Variants in ZNF567 observed in about 807,000 individuals in gnomAD.
ZNF567 encodes zinc finger protein 567.
Under a neutral mutation model 53.9 loss-of-function variants are expected in ZNF567, and 36 were observed. That is an observed-to-expected ratio of 0.67 (90% confidence interval 0.51 to 0.88). The LOEUF is 0.88. Ranked by LOEUF, ZNF567 falls within the 40% of genes least tolerant of loss-of-function variation. The pLI is 0.00. For missense variants in ZNF567, 619 were observed against 764.7 expected (o/e 0.81, Z 2.25); for synonymous variants, 224 against 260.4 (o/e 0.86, Z 1.35).
chr19:36,694,616 G>C (rs754707270), intron 2 of ZNF567, among the ~76,000 whole-genome samples, 186 bp from the exon 3 acceptor site: 13 of 152,162 alleles, frequency 8.5e-5, no homozygotes, highest in Non-Finnish European at 1.9e-4. Flanking sequence ...CCAAAAGCCT[G>C]TATCTCTGGC....
chr19:36,713,796 G>A (rs973773815), intron 5 of ZNF567, among the ~76,000 whole-genome samples: 1 of 152,144 alleles, frequency 6.6e-6, no homozygotes, highest in South Asian at 2.1e-4. Flanking sequence ...TTAGCTGGGT[G>A]TGGTGGCACA....
At chr19:36,683,048 G>A (rs921003506), upstream of ZNF567, among the ~76,000 whole-genome samples, 1 of 151,702 alleles carries the variant, frequency 6.6e-6, no homozygotes, top group Admixed American at 6.6e-5. Flanking sequence ...GGGTTTTTGG[G>A]TCTTTCCCTC....
chr19:36,713,481 A>G (rs2039890928), intron 5 of ZNF567, among the ~76,000 whole-genome samples: 1 of 151,678 alleles, frequency 6.6e-6, no homozygotes, highest in South Asian at 2.1e-4. Context: ...ATGATGGCAT[A>G]CACCTGTGGT....
intron 3 of ZNF567, chr19:36,711,286 G>GAC (rs1472259584): frequency 2.0e-5 from 3 of 152,154 alleles, no homozygotes; most frequent in Admixed American, 6.5e-5. Context: ...AGCTGGGCTG[G>GAC]TTTTGAACTC....
intron 3 of ZNF567, chr19:36,711,158 A>T (rs2039765311): frequency 6.6e-6 from 1 of 151,996 alleles, no homozygotes; most frequent in Admixed American, 6.6e-5. Flanking sequence ...TACAACCTCC[A>T]TCTCCCGGGT....
chr19:36,672,287 G>A, the ZNF567 span, among the ~76,000 whole-genome samples: 1 of 152,298 alleles, frequency 6.6e-6, no homozygotes, highest in East Asian at 1.9e-4. Flanking sequence ...GAACTTGGAA[G>A]GAACATTATT....
At chr19:36,723,207 C>A, downstream of ZNF567, 2 of 702,900 alleles carry the variant, frequency 2.8e-6, no homozygotes, top group Non-Finnish European at 5.2e-6. Context: ...GATGGCCTAA[C>A]TGGATGTTTA....
the ZNF567 span, among the ~76,000 whole-genome samples, chr19:36,672,740 A>T: frequency 1.3e-5 from 2 of 152,208 alleles, no homozygotes; most frequent in Non-Finnish European, 2.9e-5. Context: ...TACACACTTT[A>T]GATACAAATT....
chr19:36,683,832 A>AAATAAT (rs931186013), upstream of ZNF567, among the ~76,000 whole-genome samples: 3 of 151,980 alleles, frequency 2.0e-5, no homozygotes, highest in African/African-American at 7.2e-5. Flanking sequence ...ACTCTGTCTC[A>AAATAAT]AATAATAATA....
intron 3 of ZNF567, among the ~76,000 whole-genome samples, chr19:36,700,691 T>G (rs1346857500): frequency 1.3e-5 from 2 of 152,242 alleles, no homozygotes; most frequent in Non-Finnish European, 2.9e-5. Context: ...TTCTTCTAGA[T>G]TTTCTAGTTT....
At chr19:36,714,259 T>A (rs557661349) in intron 5 of ZNF567, 50 of 304,796 alleles carry the variant, frequency 1.6e-4, no homozygotes, top group Middle Eastern at 9.2e-4. Flanking sequence ...CCTCCCAGGT[T>A]CAAATGATTC....
Position 36,715,667 on chromosome 19 carries a change from T to TTAC in ZNF567, c.223+2801_223+2803dup, listed in dbSNP as rs747285401. Among the ~76,000 whole-genome samples the TTAC allele has an allele frequency of 3.2e-4, 49 of 151,410 alleles. 1 individual carries two copies. The highest frequency in any genetic ancestry group is 8.4e-4 in the South Asian group (4 of 4,764). On this transcript the variant is annotated intron_variant, in intron 5 of 5. Transcript: ENST00000682579. ...GCCTCAGCCTCCTGGTTAGCTGGGATTACAGGCATGAGCCACCACACCCGG... is the reference window on the plus strand; with the variant it reads ...GCCTCAGCCTCCTGGTTAGCTGGGATTACTACAGGCATGAGCCACCACACCCGG...
At chr19:36,714,541 A>C in intron 5 of ZNF567, 1 of 398,042 alleles carries the variant, frequency 2.5e-6, no homozygotes, top group Non-Finnish European at 4.4e-6. Context: ...TCCTCTCCTT[A>C]CTTACTTAAC....
downstream of ZNF567, among the ~76,000 whole-genome samples, chr19:36,724,868 A>G (rs544556100): frequency 1.3e-5 from 2 of 151,952 alleles, no homozygotes; most frequent in South Asian, 2.1e-4. Flanking sequence ...AAAAAAAAAA[A>G]AGTTCACATT....
upstream of ZNF567, among the ~76,000 whole-genome samples, chr19:36,684,570 G>A (rs73607078): frequency 0.041 from 6,169 of 152,114 alleles, 422 homozygotes; most frequent in African/African-American, 0.14. Context: ...TATACACAAC[G>A]AGTTCCTCTT....
At chr19:36,717,361 A>T (rs551104556) in intron 5 of ZNF567, among the ~76,000 whole-genome samples, 1 of 152,298 alleles carries the variant, frequency 6.6e-6, no homozygotes, top group South Asian at 2.1e-4. Flanking sequence ...TTCTTTGAAG[A>T]TTCTCTAAAG....
At chr19:36,724,940 T>G (rs965969202), downstream of ZNF567, among the ~76,000 whole-genome samples, 2 of 152,090 alleles carry the variant, frequency 1.3e-5, no homozygotes, top group African/African-American at 2.4e-5. Flanking sequence ...AAACCTTTTT[T>G]GTGGGTGTCA....
downstream of ZNF567, among the ~76,000 whole-genome samples, chr19:36,725,716 A>G (rs2145940584): frequency 6.6e-6 from 1 of 152,170 alleles, no homozygotes; most frequent in East Asian, 1.9e-4. Flanking sequence ...TGGCATGATC[A>G]CAGCTCACTG....
At chr19:36,671,604 A>G in the ZNF567 span, among the ~76,000 whole-genome samples, 4 of 152,198 alleles carry the variant, frequency 2.6e-5, no homozygotes, top group South Asian at 8.3e-4. Flanking sequence ...TGTCAGTAGC[A>G]GAGAGGGATG....
Sources: allele counts gnomAD v4.1 joint callset (sites outside exome capture counted in the v4.1 genomes callset), GRCh38; gene constraint gnomAD v4.1.1; transcripts MANE v1.5; gene names NCBI Gene and HGNC (gene_info 2026-07-23, HGNC 2026-07-21).